NAGPA: variants seen among roughly 807,000 people sequenced by gnomAD.
The protein encoded by NAGPA is alpha-N-acetylglucosaminyl phosphodiesterase.
In NAGPA, 56 loss-of-function variants were observed where a neutral mutation model predicts 48.5. That is an observed-to-expected ratio of 1.15 (90% CI 0.93 to 1.44). NAGPA has a LOEUF of 1.44. NAGPA is among the 40% of genes most tolerant of loss of function. The pLI is 0.00. For synonymous variants in NAGPA, 399 were observed against 315.5 expected, an observed-to-expected ratio of 1.26 and a Z score of -2.81; for missense variants, 888 against 735.0, an observed-to-expected ratio of 1.21 and a Z score of -2.41.
chr16:5,033,271 A>C lies in NAGPA; in HGVS notation c.542+2T>G. ...ACAGCACGGGGCTCCCTGCCTCCTC[A>C]CCCGGTGACCAGGGTCCCGTCGCGG... On this transcript the variant is annotated splice_donor_variant, in intron 2 of 9. Coordinates refer to ENST00000312251, the MANE Select transcript of NAGPA (RefSeq NM_016256.4). LOFTEE classifies it high-confidence loss of function. The surrounding 1 kb of genome is among the most constrained non-coding windows in gnomAD (Gnocchi z 4.2). The C allele has an allele frequency of 6.3e-7, 1 of 1,590,916 alleles. No individual in the cohort carries two copies. The highest frequency in any genetic ancestry group is 8.5e-7 in the Non-Finnish European group (1 of 1,177,032).
At chr16:5,031,531 C>T (rs1297774040) in intron 3 of NAGPA, 1 of 640,898 alleles carries the variant, frequency 1.6e-6, no homozygotes, top group African/African-American at 1.8e-5. Context: ...TGTTTCTGAG[C>T]ACTTATCAAT....
intron 9 of NAGPA, among the ~76,000 whole-genome samples, chr16:5,026,815 C>G (rs180874958): frequency 1.3e-5 from 2 of 152,174 alleles, no homozygotes; most frequent in African/African-American, 4.8e-5. Context: ...GCGGGAGGAT[C>G]GCAGTGAGCT....
intron 7 of NAGPA, 139 bp from the exon 8 acceptor site, chr16:5,027,518 C>G (rs11865655): frequency 1.1e-6 from 1 of 887,488 alleles, no homozygotes; most frequent in Admixed American, 2.1e-5. Context: ...ACCCCCTGCC[C>G]TCCCTGGACT....
In NAGPA at chr16:5,025,435, G is replaced by T. The variant is rs1270775930; in HGVS notation, c.*43C>A. 3 of 1,605,646 alleles carry T rather than the reference G, an allele frequency of 1.9e-6. No homozygotes were observed. The highest frequency in any genetic ancestry group is 1.7e-5 in the Admixed American group (1 of 59,952). The stretch of plus-strand genomic sequence containing the variant: ...TCCCCTGCAGAAGCCAGACCGTGGG[G>T]AAACAAGCTTTCGCGACGTGCCACC... On this transcript the variant is annotated 3_prime_UTR_variant, in exon 10 of 10. Coordinates refer to ENST00000312251, the MANE Select transcript of NAGPA (RefSeq NM_016256.4).
intron 9 of NAGPA, among the ~76,000 whole-genome samples, chr16:5,026,438 G>A (rs1956002228): frequency 6.6e-6 from 1 of 151,938 alleles, no homozygotes. Context: ...GGAGACTGAG[G>A]CAGGAGAATT....
chr16:5,027,366 G>C lies in NAGPA; in HGVS notation c.1188C>G (p.Gly396=). The C allele has an allele frequency of 1.9e-6, 3 of 1,613,522 alleles. No homozygotes were observed. The highest frequency in any genetic ancestry group is 2.5e-6 in the Non-Finnish European group (3 of 1,179,862). Residue 396 remains glycine, a synonymous_variant, in exon 8 of 10, where the codon GGC becomes GGG. Coordinates refer to ENST00000312251, the MANE Select transcript of NAGPA (RefSeq NM_016256.4). Reference sequence around the variant, plus strand: ...GCCTCTGGCAGCCCGGCCCATGCCAGCCAAGGGGACACTCTATGGAAAGGA... The same window carrying C: ...GCCTCTGGCAGCCCGGCCCATGCCACCCAAGGGGACACTCTATGGAAAGGA... ...GSNCSEECPL[G]WHGPGCQRPC... is the part of the protein sequence containing the mutation.
Position 5,033,489 on chromosome 16 carries a change from G to A in NAGPA, c.326C>T (p.Pro109Leu). The A allele has an allele frequency of 6.4e-7, 1 of 1,567,622 alleles. No homozygotes were observed. Reference protein sequence around the residue: ...EPLRTFSVLEPGGPGGCAARR... With the variant: ...EPLRTFSVLELGGPGGCAARR... ...CGCCGCGCAGCCGCCGGGTCCACCG[G>A]GCTCCAGCACCGAGAAGGTGCGCAG... The change falls in exon 2 of 10, where the codon CCC (proline) becomes CTC (leucine). Residue 109 changes from proline to leucine, a missense_variant. By Grantham distance (98) the Pro-to-Leu change is moderately conservative. Coordinates refer to ENST00000312251, the MANE Select transcript of NAGPA (RefSeq NM_016256.4). This position sits in a 1 kb window ranked among gnomAD's most constrained non-coding sequence, Gnocchi z 4.2.
chr16:5,029,042 G>A (rs369808693), intron 4 of NAGPA, 34 bp from the exon 5 acceptor site: 129 of 1,609,458 alleles, frequency 8.0e-5, no homozygotes, highest in Non-Finnish European at 1.0e-4. Context: ...CAGGCTCAGC[G>A]CCCACCATCA....
chr16:5,027,890 C>A lies in NAGPA; in HGVS notation c.1130G>T (p.Gly377Val). 6.3e-7 allele frequency: 1 copy of A among 1,591,908 alleles called. No individual in the cohort carries two copies. Among genetic ancestry groups the A allele is most frequent in the Non-Finnish European group, 8.5e-7 (1 of 1,169,844 alleles). ...GGTCCATCCGGCATCACAGCGGCAG[C>A]CGGCTGCCGAGACAAGACCGGGGAG... ...CSQHGLCTETGCRCDAGWTGS... is the reference protein window; with the variant it reads ...CSQHGLCTETVCRCDAGWTGS... The change falls in exon 7 of 10, where the codon GGC becomes GTC. Residue 377 changes from glycine (G) to valine (V), a missense_variant. By Grantham distance (109) the Gly-to-Val change is moderately radical. Coordinates refer to ENST00000312251, the MANE Select transcript of NAGPA (RefSeq NM_016256.4).
In NAGPA at chr16:5,031,846, G is replaced by A. The variant is rs756025806; in HGVS notation, c.581C>T (p.Pro194Leu). Reference protein sequence around the residue: ...SEEEVLDTENPFVQLLSGVVW... With the variant: ...SEEEVLDTENLFVQLLSGVVW... ...GACCCCACTCAGCAGCTGCACAAAT[G>A]GGTTCTCAGTGTCCAGCACCTCCTC... The change falls in exon 3 of 10, where the codon CCA becomes CTA. Residue 194 changes from proline to leucine, a missense_variant. Coordinates refer to ENST00000312251, the MANE Select transcript of NAGPA (RefSeq NM_016256.4). 5 of 1,614,096 alleles carry A rather than the reference G, an allele frequency of 3.1e-6. No individual in the cohort carries two copies. The highest frequency in any genetic ancestry group is 2.2e-5 in the East Asian group (1 of 44,888).
intron 4 of NAGPA, chr16:5,029,319 G>A (rs2142561412): frequency 2.5e-6 from 1 of 396,336 alleles, no homozygotes; most frequent in Non-Finnish European, 4.7e-6. Context: ...AGAATAGGAA[G>A]TGAGATTTGA....
chr16:5,029,356 G>C, intron 4 of NAGPA: 1 of 359,138 alleles, frequency 2.8e-6, no homozygotes, highest in South Asian at 2.2e-5. Context: ...GAGGGTGGCC[G>C]GACAACTGGG....
At position 5,033,885 on chromosome 16, in the gene NAGPA, G is replaced by A; in HGVS notation, c.30C>T (p.Leu10=). The change falls in exon 1 of 10, where the codon CTC becomes CTT. Residue 10 remains leucine, a synonymous_variant. Transcript: ENST00000312251. The surrounding 1 kb of genome is among the most constrained non-coding windows in gnomAD (Gnocchi z 4.2). ...GGAAGCCGAATAGTGCAAGCCGGAG[G>A]AGAAGCCAGCGACCCGTGGAGGTCG... MATSTGRWL[L]LRLALFGFLW... 6.5e-7 allele frequency: 1 copy of A among 1,549,356 alleles called. No homozygotes were observed. The highest frequency in any genetic ancestry group is 8.7e-7 in the Non-Finnish European group (1 of 1,146,944).
chr16:5,032,717 T>C (rs1484743960), intron 2 of NAGPA, among the ~76,000 whole-genome samples: 1 of 152,018 alleles, frequency 6.6e-6, no homozygotes, highest in Admixed American at 6.6e-5. Flanking sequence ...AGTTGATGTT[T>C]CTGACACCCC....
At chr16:5,027,679 G>A (rs975117149) in intron 7 of NAGPA, among the ~76,000 whole-genome samples, 167 bp downstream of exon 7, 19 of 152,192 alleles carry the variant, frequency 1.2e-4, no homozygotes, top group African/African-American at 3.9e-4. Context: ...GGAACGGGCC[G>A]CAGCAGCCAC....
At position 5,028,941 on chromosome 16, in the gene NAGPA, C is replaced by G. The variant is rs978799496; in HGVS notation, c.859G>C (p.Gly287Arg). 17 of 1,613,996 alleles carry G rather than the reference C, an allele frequency of 1.1e-5. No individual in the cohort carries two copies. Among genetic ancestry groups the G allele is most frequent in the African/African-American group, 2.7e-5 (2 of 74,950 alleles). ...QDVVNAINLD[G>R]GGSATFVLNG... ...AGCACAAAGGTGGCAGAGCCACCCC[C>G]ATCCAGGTTGATGGCGTTGACCACG... Residue 287 changes from glycine to arginine, a missense_variant, in exon 5 of 10, where the codon GGG (glycine) becomes CGG (arginine). Transcript: ENST00000312251.
Position 5,027,171 on chromosome 16 carries a change from G to A in NAGPA, c.1304C>T (p.Ala435Val). 6.2e-7 allele frequency: 1 copy of A among 1,614,260 alleles called. No homozygotes were observed. Among genetic ancestry groups the A allele is most frequent in the Non-Finnish European group, 8.5e-7 (1 of 1,180,046 alleles). The change falls in exon 9 of 10, where the codon GCC (alanine) becomes GTC (valine). Residue 435 changes from alanine to valine, a missense_variant. Ala to Val is a moderately conservative substitution (Grantham distance 64, BLOSUM62 0). Coordinates refer to ENST00000312251, the MANE Select transcript of NAGPA (RefSeq NM_016256.4). ...GGAGAGTTCTCCCGCCCTCAGGGTG[G>A]CTTCAGGTGGCTGGAGACACTGCTT... ...RVKQCLQPPEATLRAGELSFF... is the reference protein window; with the variant it reads ...RVKQCLQPPEVTLRAGELSFF...
At chr16:5,026,160 C>T (rs1324173619) in intron 9 of NAGPA, among the ~76,000 whole-genome samples, 1 of 149,098 alleles carries the variant, frequency 6.7e-6, no homozygotes, top group Non-Finnish European at 1.5e-5. Context: ...AACTCCTGAC[C>T]TCAAGTGATC....
At position 5,025,218 on chromosome 16, in the gene NAGPA, G is replaced by A; in HGVS notation, c.*260C>T. On this transcript the variant is annotated 3_prime_UTR_variant, in exon 10 of 10. Transcript: ENST00000312251. ...TGCGGCAGCCCTCCCGGGGGCACGGGCTTCTCGGCAGCAGACACAGGCAGG... is the reference window on the plus strand; with the variant it reads ...TGCGGCAGCCCTCCCGGGGGCACGGACTTCTCGGCAGCAGACACAGGCAGG... 1.8e-6 allele frequency: 1 copy of A among 550,672 alleles called. No individual in the cohort carries two copies. Among genetic ancestry groups the A allele is most frequent in the African/African-American group, 1.9e-5 (1 of 52,934 alleles). 34.1% of individuals were successfully genotyped at this position (550,672 alleles called of 1,614,324 possible).
Sources: allele counts gnomAD v4.1 joint callset (sites outside exome capture counted in the v4.1 genomes callset), GRCh38; gene constraint gnomAD v4.1.1; non-coding constraint Gnocchi (gnomAD v3.1); transcripts MANE v1.5; gene names NCBI Gene and HGNC (gene_info 2026-07-23, HGNC 2026-07-21).